PTPRD: variants seen among roughly 807,000 people sequenced by gnomAD.
PTPRD encodes protein tyrosine phosphatase receptor type D, also known as receptor-type tyrosine-protein phosphatase delta.
In PTPRD, 34 loss-of-function variants were observed where a neutral mutation model predicts 214.5. That is an observed-to-expected ratio of 0.16 (90% CI 0.12 to 0.21). The LOEUF (loss-of-function observed/expected upper bound fraction) is 0.21, where lower values mean the gene tolerates loss of function less well. Ranked by LOEUF, PTPRD falls within the 10% of genes least tolerant of loss-of-function variation. The pLI is 1.00. For synonymous variants in PTPRD, 1,128 were observed against 845.7 expected, an observed-to-expected ratio of 1.33 and a Z score of -5.79; for missense variants, 2,545 against 2,398.7, an observed-to-expected ratio of 1.06 and a Z score of -1.27.
intron 9 of PTPRD, among the ~76,000 whole-genome samples, chr9:9,355,828 G>T (rs1292017232): frequency 6.6e-6 from 1 of 151,386 alleles, no homozygotes; most frequent in East Asian, 2.0e-4. Context: ...TCAGAAGGAT[G>T]GTGAAAAATG....
At chr9:8,878,121 TA>T (rs1303713096) in intron 11 of PTPRD, among the ~76,000 whole-genome samples, 3 of 152,210 alleles carry the variant, frequency 2.0e-5, no homozygotes. Flanking sequence ...GATAATAGTT[TA>T]CATTGCCAGA....
intron 7 of PTPRD, among the ~76,000 whole-genome samples, chr9:9,670,241 C>T (rs1410759382): frequency 6.6e-6 from 1 of 152,040 alleles, no homozygotes; most frequent in Non-Finnish European, 1.5e-5. Context: ...GGCTGTGTCC[C>T]CACCCAAATC....
intron 11 of PTPRD, among the ~76,000 whole-genome samples, chr9:8,846,704 G>A (rs1330916440): frequency 6.6e-6 from 1 of 152,170 alleles, no homozygotes; most frequent in African/African-American, 2.4e-5. Flanking sequence ...AAATACTTTA[G>A]TATGGCTCAA....
At chr9:8,933,651 A>G (rs1316315657) in intron 11 of PTPRD, among the ~76,000 whole-genome samples, 1 of 152,094 alleles carries the variant, frequency 6.6e-6, no homozygotes, top group Non-Finnish European at 1.5e-5. Flanking sequence ...TAATGCTTCT[A>G]ACTATAGAAA....
At chr9:8,902,353 T>C (rs1587720786) in intron 11 of PTPRD, among the ~76,000 whole-genome samples, 1 of 151,416 alleles carries the variant, frequency 6.6e-6, no homozygotes. Context: ...TTCTTTTTTT[T>C]TTTTTTTGAG....
At chr9:9,280,650 A>G (rs1463832554) in intron 9 of PTPRD, among the ~76,000 whole-genome samples, 1 of 151,362 alleles carries the variant, frequency 6.6e-6, no homozygotes, top group East Asian at 2.0e-4. Flanking sequence ...AAATGGAAAG[A>G]TATTTCATGT....
intron 9 of PTPRD, among the ~76,000 whole-genome samples, chr9:9,382,470 A>T (rs34245835): frequency 0.24 from 36,400 of 152,096 alleles, 4,442 homozygotes; most frequent in Middle Eastern, 0.37. Context: ...AATCTCCTAC[A>T]ACTAAATAGC....
At chr9:8,840,004 G>T (rs2097527807) in intron 11 of PTPRD, among the ~76,000 whole-genome samples, 2 of 152,182 alleles carry the variant, frequency 1.3e-5, no homozygotes, top group African/African-American at 4.8e-5. Context: ...AAAGGATTAT[G>T]AGCAAAAGGA....
At chr9:9,409,429 C>G (rs1250180465) in intron 8 of PTPRD, among the ~76,000 whole-genome samples, 1 of 152,084 alleles carries the variant, frequency 6.6e-6, no homozygotes, top group African/African-American at 2.4e-5. Flanking sequence ...AGTAACCTGA[C>G]ATGGAAATCA....
At chr9:10,406,866 C>G (rs192444203) in intron 2 of PTPRD, among the ~76,000 whole-genome samples, 12 of 151,604 alleles carry the variant, frequency 7.9e-5, no homozygotes, top group Admixed American at 3.3e-4. Context: ...CTCACAGGAT[C>G]CCTGTGGTGA....
chr9:10,437,962 T>C (rs185396335), intron 2 of PTPRD, among the ~76,000 whole-genome samples: 275 of 146,996 alleles, frequency 1.9e-3, no homozygotes, highest in South Asian at 2.0e-3. Context: ...AAATACACTG[T>C]ACAGAGACAA....
chr9:8,648,297 C>T (rs1017801748), intron 12 of PTPRD, among the ~76,000 whole-genome samples: 6 of 152,160 alleles, frequency 3.9e-5, no homozygotes, highest in East Asian at 1.9e-4. Flanking sequence ...AAAACAATCA[C>T]CTACATTCTG....
At position 9,333,901 on chromosome 9, in the gene PTPRD, AG is replaced by A. The variant is rs1171361649; in HGVS notation, c.-203+63547del. 2.0e-5 allele frequency among the ~76,000 whole-genome samples: 3 copies of A among 152,084 alleles called. No homozygotes were observed. The East Asian group carries it at 5.8e-4, about 29-fold the overall frequency. ...ACTGGAACACCTAATGCTAAAGAGA[AG>A]AAAATATTGATGGAATAGAATATTT... On this transcript the variant is annotated intron_variant, in intron 9 of 45. Coordinates refer to ENST00000381196, the MANE Select transcript of PTPRD (RefSeq NM_002839.4).
At chr9:9,301,698 T>A (rs1955376119) in intron 9 of PTPRD, among the ~76,000 whole-genome samples, 1 of 151,942 alleles carries the variant, frequency 6.6e-6, no homozygotes, top group Non-Finnish European at 1.5e-5. Flanking sequence ...GGGATTACTA[T>A]GGACAGAACT....
intron 14 of PTPRD, among the ~76,000 whole-genome samples, chr9:8,592,468 G>A (rs1315728969): frequency 6.6e-6 from 1 of 152,134 alleles, no homozygotes; most frequent in Admixed American, 6.6e-5. Flanking sequence ...GAATAGCTCT[G>A]GGAACGTGCA....
chr9:10,031,803 A>G (rs2097084782), intron 4 of PTPRD, among the ~76,000 whole-genome samples: 1 of 151,616 alleles, frequency 6.6e-6, no homozygotes, highest in Non-Finnish European at 1.5e-5. Flanking sequence ...TGATGTAGAC[A>G]CAATGTATCT....
chr9:8,494,404 C>A (rs2097215094), intron 26 of PTPRD, among the ~76,000 whole-genome samples: 1 of 152,114 alleles, frequency 6.6e-6, no homozygotes, highest in African/African-American at 2.4e-5. Context: ...TTTCCAGGAC[C>A]TTGGAATGGT....
intron 8 of PTPRD, among the ~76,000 whole-genome samples, chr9:9,441,779 T>G (rs2087964996): frequency 6.6e-6 from 1 of 152,186 alleles, no homozygotes; most frequent in Non-Finnish European, 1.5e-5. Context: ...AATGATATCA[T>G]TATGTACAGT....
intron 2 of PTPRD, among the ~76,000 whole-genome samples, chr9:10,580,112 T>C (rs368938067): frequency 6.6e-6 from 1 of 152,208 alleles, no homozygotes; most frequent in African/African-American, 2.4e-5. Flanking sequence ...ACTTCATGTG[T>C]GTCTTCTATT....
Sources: allele counts gnomAD v4.1 joint callset (sites outside exome capture counted in the v4.1 genomes callset), GRCh38; gene constraint gnomAD v4.1.1; transcripts MANE v1.5; gene names NCBI Gene and HGNC (gene_info 2026-07-23, HGNC 2026-07-21).